The following PIWIL4 variants were observed in gnomAD, a reference collection of about 807,000 sequenced individuals.
The protein encoded by PIWIL4 is piwi like RNA-mediated gene silencing 4.
PIWIL4 carries 50 observed loss-of-function variants against 100.9 expected under a neutral mutation model. The ratio of observed to expected loss-of-function variants is 0.50; its 90% CI spans 0.39 to 0.63. The LOEUF (loss-of-function observed/expected upper bound fraction) is 0.63. Among genes scored for constraint, PIWIL4 ranks in the 20% least tolerant of loss-of-function variants. The pLI is 0.00. For missense variants in PIWIL4, 887 were observed against 1,043.3 expected (o/e 0.85, Z 2.06); for synonymous variants, 342 against 367.5 (o/e 0.93, Z 0.79).
chr11:94,586,953 C>T, intron 6 of PIWIL4, 97 bp from the exon 7 acceptor site: 3 of 1,183,922 alleles, frequency 2.5e-6, no homozygotes, highest in Non-Finnish European at 3.5e-6. Flanking sequence ...TTGTTAAGAT[C>T]TCGAGAATTA....
rs569649780 is a variant in PIWIL4 at position 94,611,873 on chromosome 11, C to G, written c.1943+3187C>G. On this transcript the variant is annotated intron_variant, in intron 15 of 19. Transcript: ENST00000299001. ...CTTGTAAGACCATGCGTCAAATAAA[C>G]CTTTTTTTTAAATAAATTGCCCAGT... 5.1e-4 allele frequency among the ~76,000 whole-genome samples: 78 copies of G among 152,232 alleles called. 2 individuals carry two copies. In the South Asian group the frequency reaches 0.014, roughly 27 times the overall value.
intron 8 of PIWIL4, among the ~76,000 whole-genome samples, chr11:94,592,258 G>A (rs565687634): frequency 6.6e-6 from 1 of 152,346 alleles, no homozygotes; most frequent in Admixed American, 6.5e-5. Context: ...ATGTTTCACA[G>A]TGTTTTCTCA....
In PIWIL4 at chr11:94,618,004, A is replaced by T; in HGVS notation, c.2065A>T (p.Ile689Phe). 1 of 1,613,724 alleles carries T rather than the reference A, an allele frequency of 6.2e-7. No homozygotes were observed. Among genetic ancestry groups the T allele is most frequent in the Middle Eastern group, 1.7e-4 (1 of 6,058 alleles). ...KYNHDLPARI[I>F]VYRAGVGDGQ... ...CAATCATGATTTGCCAGCACGGATA[A>T]TTGTGTACCGTGCTGGTGTAGGGGA... The change falls in exon 17 of 20, where the codon ATT becomes TTT. Residue 689 changes from isoleucine (I) to phenylalanine (F), a missense_variant. Ile to Phe is a conservative substitution (Grantham distance 21). Transcript: ENST00000299001.
intron 8 of PIWIL4, among the ~76,000 whole-genome samples, chr11:94,591,005 G>A (rs947377420): frequency 6.6e-6 from 1 of 151,898 alleles, no homozygotes; most frequent in Non-Finnish European, 1.5e-5. Flanking sequence ...TGTAAAGGAA[G>A]TTTATCTGTC....
chr11:94,597,653 A>G (rs1948574207), intron 10 of PIWIL4, 151 bp from the exon 11 acceptor site: 1 of 581,478 alleles, frequency 1.7e-6, no homozygotes, highest in East Asian at 2.9e-5. Flanking sequence ...AAATGAGCAC[A>G]GTTGTCCCGT....
At chr11:94,587,598 A>G (rs1380073111) in intron 7 of PIWIL4, among the ~76,000 whole-genome samples, 3 of 152,238 alleles carry the variant, frequency 2.0e-5, no homozygotes, top group African/African-American at 7.2e-5. Flanking sequence ...TTCAGTTTTC[A>G]CAAAGCTCAA....
At chr11:94,603,538 C>T (rs1948674703) in intron 12 of PIWIL4, among the ~76,000 whole-genome samples, 1 of 152,150 alleles carries the variant, frequency 6.6e-6, no homozygotes, top group Non-Finnish European at 1.5e-5. Flanking sequence ...TGCAAATTAG[C>T]TGAATATCTT....
intron 15 of PIWIL4, among the ~76,000 whole-genome samples, chr11:94,611,812 C>T (rs977328516): frequency 2.6e-5 from 4 of 152,150 alleles, no homozygotes; most frequent in Non-Finnish European, 1.5e-5. Context: ...GAGGCCCTCG[C>T]CAGAAGCAGA....
intron 15 of PIWIL4, among the ~76,000 whole-genome samples, chr11:94,615,160 C>T (rs1440403072): frequency 6.6e-6 from 1 of 152,138 alleles, no homozygotes; most frequent in East Asian, 1.9e-4. Context: ...CTCTTTCCTG[C>T]CCCCAGACTC....
chr11:94,605,674 TATTCC>T (rs553021312), intron 13 of PIWIL4, among the ~76,000 whole-genome samples: 43 of 152,348 alleles, frequency 2.8e-4, no homozygotes, highest in Admixed American at 4.6e-4. Context: ...CAAATGATAG[TATTCC>T]ATTCCATCAG....
intron 16 of PIWIL4, among the ~76,000 whole-genome samples, chr11:94,617,529 A>G (rs1374830926): frequency 6.6e-6 from 1 of 152,230 alleles, no homozygotes; most frequent in Non-Finnish European, 1.5e-5. Context: ...GAGGAACAGC[A>G]AAGCCATTTC....
Position 94,604,137 on chromosome 11 carries a change from C to T in PIWIL4, c.1638+81C>T, listed in dbSNP as rs1008614038. The T allele has an allele frequency of 1.7e-5, 14 of 803,360 alleles. No individual in the cohort carries two copies. The African/African-American group carries it at 1.9e-4, about 11-fold the overall frequency. The allele number at this position is 803,360 out of a possible 1,614,324, so 49.8% of individuals were successfully genotyped here. A position where few individuals can be genotyped will look rare whatever the true frequency, so the allele number is the denominator to read the frequency against. ...TATCTACAGTCTGAACATACCCTCC[C>T]ATGATATATTTGCAAATTGCCATGC... On this transcript the variant is annotated intron_variant, in intron 13 of 19. Transcript: ENST00000299001.
At chr11:94,603,760 T>G (rs1948677696) in intron 12 of PIWIL4, among the ~76,000 whole-genome samples, 1 of 152,220 alleles carries the variant, frequency 6.6e-6, no homozygotes, top group Non-Finnish European at 1.5e-5. Context: ...AGATCTGATT[T>G]TCTACCAAAC....
intron 9 of PIWIL4, among the ~76,000 whole-genome samples, chr11:94,594,466 C>A (rs57566196): frequency 0.95 from 141,307 of 148,880 alleles, 66,881 homozygotes; most frequent in East Asian, 0.99. Flanking sequence ...ACTCTGTCTC[C>A]AAAAAAAAAG....
intron 13 of PIWIL4, among the ~76,000 whole-genome samples, chr11:94,604,494 C>T (rs998649652): frequency 2.6e-5 from 4 of 152,172 alleles, no homozygotes; most frequent in African/African-American, 9.7e-5. Flanking sequence ...TCAGAGAGGA[C>T]CACTTCCTCC....
At chr11:94,588,638 T>C (rs560953397) in intron 7 of PIWIL4, among the ~76,000 whole-genome samples, 1 of 152,196 alleles carries the variant, frequency 6.6e-6, no homozygotes, top group Non-Finnish European at 1.5e-5. Context: ...CTAACCTGTT[T>C]TGTAGTTTTG....
chr11:94,618,032 G>C lies in PIWIL4; in HGVS notation c.2093G>C (p.Gly698Ala). ...IIVYRAGVGD[G>A]QLKTLIEYEV... ...GTGTACCGTGCTGGTGTAGGGGATGGTCAGCTGAAAACACTTATTGAATAT... is the reference window on the plus strand; with the variant it reads ...GTGTACCGTGCTGGTGTAGGGGATGCTCAGCTGAAAACACTTATTGAATAT... Residue 698 changes from glycine to alanine, a missense_variant, in exon 17 of 20, where the codon GGT becomes GCT. Physicochemically the swap from Gly to Ala is moderately conservative, Grantham distance 60. Around this residue, in one of 2 missense-constraint regions of PIWIL4, gnomAD observed 741 missense variants for 930.0 expected, o/e 0.80. Transcript: ENST00000299001. 1.2e-6 allele frequency: 2 copies of C among 1,608,990 alleles called. No individual in the cohort carries two copies. The highest frequency in any genetic ancestry group is 1.7e-4 in the Middle Eastern group (1 of 6,050).
intron 4 of PIWIL4, among the ~76,000 whole-genome samples, chr11:94,581,939 G>A (rs1400018819): frequency 6.6e-6 from 1 of 152,198 alleles, no homozygotes; most frequent in Non-Finnish European, 1.5e-5. Context: ...TGGAACAGCT[G>A]AGATAGATCA....
intron 6 of PIWIL4, among the ~76,000 whole-genome samples, chr11:94,586,820 C>G (rs1379175241): frequency 6.6e-6 from 1 of 151,998 alleles, no homozygotes; most frequent in African/African-American, 2.4e-5. Context: ...TCAGTGGTGC[C>G]AAAGCTGAGA....
Sources: allele counts gnomAD v4.1 joint callset (sites outside exome capture counted in the v4.1 genomes callset), GRCh38; gene constraint gnomAD v4.1.1; regional missense constraint gnomAD v4.1.1; transcripts MANE v1.5; gene names NCBI Gene and HGNC (gene_info 2026-07-23, HGNC 2026-07-21).